ENOX2: variants seen among roughly 807,000 people sequenced by gnomAD.
ENOX2 encodes the protein ecto-NOX disulfide-thiol exchanger 2, also known as APK1 antigen.
In ENOX2, 36 loss-of-function variants were observed where a neutral mutation model predicts 45.0. The ratio of observed to expected loss-of-function variants is 0.80; its 90% confidence interval spans 0.61 to 1.06. The LOEUF (loss-of-function observed/expected upper bound fraction) is 1.06. ENOX2 is among the 50% of genes least tolerant of loss of function. The probability of loss-of-function intolerance (pLI) is 0.00; values close to 1 mark genes in which losing one functional copy is unlikely to be tolerated. For missense variants in ENOX2, 423 were observed against 462.5 expected (o/e 0.91, Z 0.78); for synonymous variants, 174 against 152.3 (o/e 1.14, Z -1.05).
chrX:130,655,489 T>TAC (rs979195195), intron 10 of ENOX2, among the ~76,000 whole-genome samples: 7 of 111,277 alleles, frequency 6.3e-5, no homozygotes, highest in African/African-American at 2.0e-4. Flanking sequence ...CTGTCTCTTT[T>TAC]ACACACACAC....
intron 3 of ENOX2, among the ~76,000 whole-genome samples, chrX:130,727,067 A>G (rs2038624155): frequency 8.9e-6 from 1 of 112,340 alleles, no homozygotes; most frequent in Non-Finnish European, 1.9e-5. Flanking sequence ...GGAATAAGAC[A>G]GTAAGTAAAT....
chrX:130,882,748 T>C (rs1165526153), intron 2 of ENOX2, among the ~76,000 whole-genome samples: 4 of 111,905 alleles, frequency 3.6e-5, no homozygotes, highest in Non-Finnish European at 5.6e-5. Context: ...AGCTCTACAC[T>C]GTCTAGGTCT....
chrX:130,717,582 T>C (rs2038361270), intron 3 of ENOX2, among the ~76,000 whole-genome samples: 1 of 112,311 alleles, frequency 8.9e-6, no homozygotes, highest in Non-Finnish European at 1.9e-5. Context: ...TCTACCAAAG[T>C]GCACCTAGTT....
At chrX:130,900,424 T>G (rs1258787361) in intron 2 of ENOX2, among the ~76,000 whole-genome samples, 1 of 112,266 alleles carries the variant, frequency 8.9e-6, no homozygotes, top group Non-Finnish European at 1.9e-5. Flanking sequence ...CCCTACGTTT[T>G]GAGAACCACT....
chrX:130,674,286 C>T (rs755122148), intron 6 of ENOX2, among the ~76,000 whole-genome samples: 63 of 106,193 alleles, frequency 5.9e-4, no homozygotes, highest in Non-Finnish European at 1.2e-3. Flanking sequence ...GCCCCCGCAT[C>T]TATAATGAAA....
intron 3 of ENOX2, among the ~76,000 whole-genome samples, chrX:130,750,578 T>A (rs1295039090): frequency 1.8e-5 from 2 of 111,501 alleles, no homozygotes; most frequent in Non-Finnish European, 3.8e-5. Flanking sequence ...CCTCTCAGTT[T>A]CTCTGTTTCT....
Position 130,703,285 on chromosome X carries a change from TTG to T in ENOX2, c.-38-33_-38-32del. 3.4e-6 allele frequency: 4 copies of T among 1,177,189 alleles called. No individual in the cohort carries two copies. The Middle Eastern group carries it at 7.1e-4, about 210-fold the overall frequency. On this transcript the variant is annotated intron_variant, in intron 3 of 14. Transcript: ENST00000394363. The stretch of plus-strand genomic sequence containing the variant: ...AAGAAATGACAAGCAAAATAATTTG[TTG>T]TGTTAAGGTTCTAGCAACTAGTTTA...
intron 3 of ENOX2, among the ~76,000 whole-genome samples, chrX:130,718,031 C>T (rs2038373873): frequency 9.0e-6 from 1 of 111,100 alleles, no homozygotes; most frequent in African/African-American, 3.3e-5. Flanking sequence ...CCTGCCCCAC[C>T]GTTTCCCTCT....
chrX:130,858,911 G>C (rs2078361182), intron 2 of ENOX2, among the ~76,000 whole-genome samples: 1 of 112,247 alleles, frequency 8.9e-6, no homozygotes, highest in African/African-American at 3.2e-5. Context: ...AGGAGAAAAA[G>C]TGACCCCTCA....
At chrX:130,804,352 G>A (rs2077265440) in intron 2 of ENOX2, among the ~76,000 whole-genome samples, 1 of 111,322 alleles carries the variant, frequency 9.0e-6, no homozygotes, top group Non-Finnish European at 1.9e-5. Flanking sequence ...GAAATGGGGG[G>A]CAAGAAGTGA....
chrX:130,766,953 T>C (rs768026116), intron 3 of ENOX2, among the ~76,000 whole-genome samples: 1 of 111,941 alleles, frequency 8.9e-6, no homozygotes, highest in African/African-American at 3.2e-5. Context: ...AATCTATGGA[T>C]GTCAGCTCTA....
chrX:130,816,629 T>G (rs2077490250), intron 2 of ENOX2, among the ~76,000 whole-genome samples: 1 of 111,989 alleles, frequency 8.9e-6, no homozygotes, highest in African/African-American at 3.3e-5. Flanking sequence ...ACCGCACATT[T>G]ACATGGAAAC....
chrX:130,709,658 AAAG>A (rs2038133299), intron 3 of ENOX2, among the ~76,000 whole-genome samples: 1 of 109,027 alleles, frequency 9.2e-6, no homozygotes, highest in Non-Finnish European at 1.9e-5. Context: ...AAAAAAAAGA[AAAG>A]AAAAGAAAAA....
chrX:130,625,134 T>C lies in ENOX2; in HGVS notation c.*180A>G. On this transcript the variant is annotated 3_prime_UTR_variant, in exon 15 of 15. Transcript: ENST00000394363. Reference sequence around the variant, plus strand: ...CTTGTGGTTTGAGGCAATTTCTCTTTAGGGCCTGTAGTTCGAGGTGCTGTC... The same window carrying C: ...CTTGTGGTTTGAGGCAATTTCTCTTCAGGGCCTGTAGTTCGAGGTGCTGTC... 1 of 459,605 alleles carries C rather than the reference T, an allele frequency of 2.2e-6. No homozygotes were observed. The highest frequency in any genetic ancestry group is 3.6e-6 in the Non-Finnish European group (1 of 281,250). The allele number at this position is 459,605 out of a possible 1,213,427, so 37.9% of individuals were successfully genotyped here.
At chrX:130,783,782 T>C in intron 2 of ENOX2, 92 bp from the exon 3 acceptor site, 1 of 219,227 alleles carries the variant, frequency 4.6e-6, no homozygotes, top group South Asian at 5.7e-5. Context: ...TGGAAAACCT[T>C]TTAAATCTTA....
chrX:130,677,688 A>C (rs963909903), intron 6 of ENOX2, among the ~76,000 whole-genome samples: 2 of 111,595 alleles, frequency 1.8e-5, no homozygotes, highest in African/African-American at 6.5e-5. Context: ...GAAAGACCTG[A>C]GCTAACTCTC....
At chrX:130,853,400 G>C (rs1216068248) in intron 2 of ENOX2, among the ~76,000 whole-genome samples, 1 of 99,998 alleles carries the variant, frequency 1.0e-5, no homozygotes, top group Non-Finnish European at 2.0e-5. Context: ...GGAGGCAGAG[G>C]TTGCAGTGAG....
intron 2 of ENOX2, among the ~76,000 whole-genome samples, chrX:130,895,717 G>A (rs759435828): frequency 5.1e-4 from 57 of 112,078 alleles, no homozygotes; most frequent in African/African-American, 1.8e-3. Flanking sequence ...AGAAAGGGGA[G>A]GGAAGCAGAG....
chrX:130,856,743 C>G (rs1446238248), intron 2 of ENOX2, among the ~76,000 whole-genome samples: 1 of 111,690 alleles, frequency 9.0e-6, no homozygotes, highest in African/African-American at 3.3e-5. Context: ...ATGATAGACT[C>G]TATTCAAGTC....
Sources: allele counts gnomAD v4.1 joint callset (sites outside exome capture counted in the v4.1 genomes callset), GRCh38; gene constraint gnomAD v4.1.1; transcripts MANE v1.5; gene names NCBI Gene and HGNC (gene_info 2026-07-23, HGNC 2026-07-21).